The following LCA5L variants were observed in gnomAD, a reference collection of about 807,000 sequenced individuals.
LCA5L encodes the protein lebercilin-like protein.
Under a neutral mutation model 45.4 loss-of-function variants are expected in LCA5L, and 35 were observed. That is an observed-to-expected ratio of 0.77 (90% CI 0.59 to 1.02). The LOEUF is 1.02. Ranked by LOEUF, LCA5L falls within the 50% of genes least tolerant of loss-of-function variation. LCA5L has a pLI of 0.00. For synonymous variants in LCA5L, 233 were observed against 264.7 expected (o/e 0.88, Z 1.16); for missense variants, 668 against 761.6 (o/e 0.88, Z 1.45).
Position 39,423,491 on chromosome 21 carries a change from C to T in LCA5L, c.323-1G>A. Reference sequence around the variant, plus strand: ...TTTTCAACTGATATTTCCTTCTGGCCTGTGTAAGCAGAAAATCCAGTTTAT... The same window carrying T: ...TTTTCAACTGATATTTCCTTCTGGCTTGTGTAAGCAGAAAATCCAGTTTAT... On this transcript the variant is annotated splice_acceptor_variant, in intron 5 of 10. Coordinates refer to ENST00000288350, the MANE Select transcript of LCA5L (RefSeq NM_152505.4). LOFTEE classifies it high-confidence loss of function. 5 of 1,541,950 alleles carry T rather than the reference C, an allele frequency of 3.2e-6. No individual in the cohort carries two copies. The highest frequency in any genetic ancestry group is 4.3e-6 in the Non-Finnish European group (5 of 1,155,538).
At position 39,405,926 on chromosome 21, in the gene LCA5L, T is replaced by C; in HGVS notation, c.1969A>G (p.Lys657Glu). The C allele has an allele frequency of 6.2e-7, 1 of 1,609,850 alleles. No homozygotes were observed. Among genetic ancestry groups the C allele is most frequent in the Non-Finnish European group, 8.5e-7 (1 of 1,176,814 alleles). The change falls in exon 11 of 11, where the codon AAG becomes GAG. Residue 657 changes from lysine (K) to glutamate (E), a missense_variant. Coordinates refer to ENST00000288350, the MANE Select transcript of LCA5L (RefSeq NM_152505.4). ...DSKVTVVNSIKPSSPTEGKRK... is the reference protein window; with the variant it reads ...DSKVTVVNSIEPSSPTEGKRK... Reference sequence around the variant, plus strand: ...TTTCCTTCTGTAGGTGACGATGGCTTAATAGAATTTACCACAGTTACTTTA... The same window carrying C: ...TTTCCTTCTGTAGGTGACGATGGCTCAATAGAATTTACCACAGTTACTTTA...
intron 2 of LCA5L, among the ~76,000 whole-genome samples, chr21:39,442,865 G>A (rs2077008096): frequency 6.6e-6 from 1 of 152,080 alleles, no homozygotes; most frequent in Non-Finnish European, 1.5e-5. Flanking sequence ...TAAAAGCTGT[G>A]CGTGTGAATC....
intron 2 of LCA5L, among the ~76,000 whole-genome samples, chr21:39,442,219 A>C (rs2076934539): frequency 6.6e-6 from 1 of 152,218 alleles, no homozygotes; most frequent in African/African-American, 2.4e-5. Flanking sequence ...AAAACAATGC[A>C]GACAGAGAGG....
chr21:39,412,600 G>GCACACA (rs58572253), intron 7 of LCA5L, among the ~76,000 whole-genome samples: 15 of 149,516 alleles, frequency 1.0e-4, no homozygotes, highest in African/African-American at 2.4e-4. Flanking sequence ...ACGTGCATGT[G>GCACACA]CACACACACA....
At chr21:39,411,042 G>A (rs2040009824) in intron 8 of LCA5L, 4 of 409,688 alleles carry the variant, frequency 9.8e-6, no homozygotes, top group South Asian at 1.8e-5. Context: ...CCAATGAGAG[G>A]TATACACTAA....
At chr21:39,421,603 T>A (rs2073781651) in intron 6 of LCA5L, 1 of 152,178 alleles carries the variant, frequency 6.6e-6, no homozygotes. Flanking sequence ...ATTGGAGAAC[T>A]GTTAGATCTG....
intron 2 of LCA5L, chr21:39,438,890 G>C (rs1236625737): frequency 6.6e-6 from 1 of 152,158 alleles, no homozygotes; most frequent in Non-Finnish European, 1.5e-5. Flanking sequence ...ATGTAAAATA[G>C]AGTTAAATTC....
At chr21:39,414,743 T>TGTGTGA (rs2040824042) in intron 7 of LCA5L, among the ~76,000 whole-genome samples, 1 of 65,162 alleles carries the variant, frequency 1.5e-5, no homozygotes, top group Non-Finnish European at 3.0e-5. Context: ...TCTCTCTCTC[T>TGTGTGA]GTGTGTGTGT....
chr21:39,432,868 T>C (rs2148070649), intron 3 of LCA5L, among the ~76,000 whole-genome samples: 1 of 152,352 alleles, frequency 6.6e-6, no homozygotes, highest in East Asian at 1.9e-4. Context: ...GTTTTGTTTT[T>C]AAGTTGCTGA....
chr21:39,419,536 G>A (rs74693568), intron 7 of LCA5L, among the ~76,000 whole-genome samples: 31,326 of 127,864 alleles, frequency 0.24, 4,290 homozygotes, highest in African/African-American at 0.46. Flanking sequence ...AAAAAAAAAA[G>A]AAAAAAGAAA....
At position 39,409,522 on chromosome 21, in the gene LCA5L, C is replaced by G. The variant is rs1269198649; in HGVS notation, c.1282+457G>C. On this transcript the variant is annotated intron_variant, in intron 10 of 10. Coordinates refer to ENST00000288350, the MANE Select transcript of LCA5L (RefSeq NM_152505.4). This position sits in a 1 kb window ranked among gnomAD's most constrained non-coding sequence, Gnocchi z 4.2. ...CAAGGGTGTTCCAAGGAGTACTCAT[C>G]CACTGTTTCTTAAGCAGGCTACTGG... 3.3e-5 allele frequency among the ~76,000 whole-genome samples: 5 copies of G among 152,056 alleles called. No homozygotes were observed.
chr21:39,438,778 GA>G (rs1164475582), intron 2 of LCA5L: 2 of 142,414 alleles, frequency 1.4e-5, no homozygotes, highest in African/African-American at 2.8e-5. Context: ...TTATAACTGT[GA>G]TGAATACTGA....
chr21:39,415,929 C>T (rs566197931), intron 7 of LCA5L, among the ~76,000 whole-genome samples: 11 of 152,198 alleles, frequency 7.2e-5, no homozygotes, highest in South Asian at 6.2e-4. Context: ...GGTTTAGGTT[C>T]GGTTCGTTGG....
At chr21:39,426,405 C>T (rs559534201) in intron 5 of LCA5L, among the ~76,000 whole-genome samples, 1 of 152,210 alleles carries the variant, frequency 6.6e-6, no homozygotes, top group East Asian at 1.9e-4. Context: ...CTTGCATGAT[C>T]CCACAAAAGC....
intron 5 of LCA5L, chr21:39,426,113 C>A (rs1321746413): frequency 2.6e-5 from 4 of 152,184 alleles, no homozygotes; most frequent in African/African-American, 9.7e-5. Flanking sequence ...GTCCCTGCCC[C>A]CTCATATTCC....
chr21:39,439,551 G>A (rs2076610076), intron 2 of LCA5L: 1 of 152,188 alleles, frequency 6.6e-6, no homozygotes, highest in African/African-American at 2.4e-5. Flanking sequence ...GAGTTCAAAC[G>A]TTTTGGGGAA....
intron 7 of LCA5L, among the ~76,000 whole-genome samples, chr21:39,412,279 G>A (rs1211271888): frequency 1.3e-5 from 2 of 152,156 alleles, no homozygotes; most frequent in African/African-American, 4.8e-5. Context: ...CTAATAGAAA[G>A]TTCTATGAGA....
chr21:39,411,642 A>ATTT, intron 8 of LCA5L, 76 bp downstream of exon 8: 14 of 691,896 alleles, frequency 2.0e-5, no homozygotes, highest in Middle Eastern at 8.0e-4. Flanking sequence ...AATATCCATT[A>ATTT]TTTTGTCTAT....
rs757178754 is a variant in LCA5L, at chr21:39,420,862, A to G, written c.838-19T>C. On this transcript the variant is annotated intron_variant, in intron 6 of 10. Coordinates refer to ENST00000288350, the MANE Select transcript of LCA5L (RefSeq NM_152505.4). ...CCAAGCTCTGAAAACAGTATATATT[A>G]TAACTATTCTGCAACCAAGTTAGTA... 1 of 1,578,258 alleles carries G rather than the reference A, an allele frequency of 6.3e-7. No homozygotes were observed. The highest frequency in any genetic ancestry group is 8.7e-7 in the Non-Finnish European group (1 of 1,154,674).
Sources: allele counts gnomAD v4.1 joint callset (sites outside exome capture counted in the v4.1 genomes callset), GRCh38; gene constraint gnomAD v4.1.1; non-coding constraint Gnocchi (gnomAD v3.1); transcripts MANE v1.5; gene names NCBI Gene and HGNC (gene_info 2026-07-23, HGNC 2026-07-21).